H6PD: variants seen among roughly 807,000 people sequenced by gnomAD.
H6PD encodes the protein hexose-6-phosphate dehydrogenase/glucose 1-dehydrogenase.
H6PD carries 48 observed loss-of-function variants against 61.2 expected under a neutral mutation model. That is an observed-to-expected ratio of 0.78 (90% CI 0.62 to 1.00). The LOEUF (loss-of-function observed/expected upper bound fraction) is 1.00. H6PD is among the 50% of genes least tolerant of loss of function. H6PD has a pLI of 0.00. For missense variants in H6PD, 1,093 were observed against 1,065.0 expected (o/e 1.03, Z -0.37); for synonymous variants, 480 against 457.9 (o/e 1.05, Z -0.62).
At chr1:9,259,136 C>T (rs528799585) in intron 3 of H6PD, among the ~76,000 whole-genome samples, 17 of 152,320 alleles carry the variant, frequency 1.1e-4, no homozygotes, top group African/African-American at 2.6e-4. Context: ...GGACTACAGG[C>T]GCCCGCCACC....
chr1:9,255,448 A>G (rs1203325083), intron 3 of H6PD, among the ~76,000 whole-genome samples: 1 of 151,574 alleles, frequency 6.6e-6, no homozygotes, highest in Non-Finnish European at 1.5e-5. Flanking sequence ...TGCCCAGCTA[A>G]TTTTTGTATT....
In H6PD at chr1:9,264,641, C is replaced by T. The variant is rs535845156; in HGVS notation, c.2148C>T (p.Val716=). 9.9e-6 allele frequency: 16 copies of T among 1,612,974 alleles called. No homozygotes were observed. In the South Asian group the frequency reaches 1.1e-4, roughly 11 times the overall value. Residue 716 remains valine, a synonymous_variant, in exon 5 of 5, where the codon GTC becomes GTT. Coordinates refer to ENST00000377403, the MANE Select transcript of H6PD (RefSeq NM_004285.4). Reference sequence around the variant, plus strand: ...CTGGCCTGGATGGCGAGCAGCTGGTCGTGCTGACCACGAGCCCCTCCCAGC... The same window carrying T: ...CTGGCCTGGATGGCGAGCAGCTGGTTGTGCTGACCACGAGCCCCTCCCAGC... ...SPTGLDGEQL[V]VLTTSPSQPH... is the part of the protein sequence containing the mutation.
intron 1 of H6PD, among the ~76,000 whole-genome samples, chr1:9,241,667 C>T (rs1053297770): frequency 3.9e-5 from 6 of 152,150 alleles, no homozygotes; most frequent in African/African-American, 1.4e-4. Context: ...CCCAGAGTGC[C>T]GGGATTATAG....
chr1:9,239,768 C>G, intron 1 of H6PD: 3 of 385,592 alleles, frequency 7.8e-6, no homozygotes, highest in Admixed American at 4.5e-5. Context: ...CAGACATTGA[C>G]CTTTACCTCC....
At chr1:9,248,337 G>A (rs1283410253) in intron 3 of H6PD, among the ~76,000 whole-genome samples, 1 of 152,144 alleles carries the variant, frequency 6.6e-6, no homozygotes, top group Non-Finnish European at 1.5e-5. Context: ...CTCTTCAGCT[G>A]CTTCTCCCTT....
rs1638429687 is a variant in H6PD, at chr1:9,263,778, G to C, written c.1285G>C (p.Glu429Gln). 1 of 1,613,998 alleles carries C rather than the reference G, an allele frequency of 6.2e-7. No individual in the cohort carries two copies. ...GCCCTCCCTGCCCTCCAGCTGGAAG[G>C]AAATGGAGGGACCACCTGGGCTCCG... Reference protein sequence around the residue: ...FRPSLPSSWKEMEGPPGLRLF... With the variant: ...FRPSLPSSWKQMEGPPGLRLF... The change falls in exon 5 of 5, where the codon GAA (glutamate) becomes CAA (glutamine). Residue 429 changes from glutamate to glutamine, a missense_variant. Glu to Gln is a conservative substitution (Grantham distance 29). Transcript: ENST00000377403.
intron 1 of H6PD, among the ~76,000 whole-genome samples, chr1:9,238,066 G>A (rs1240887858): frequency 1.3e-5 from 2 of 152,194 alleles, no homozygotes; most frequent in Admixed American, 6.5e-5. Flanking sequence ...AGAGGAGGAT[G>A]GGGGTGGGCG....
At position 9,254,311 on chromosome 1, in the gene H6PD, C is replaced by T. The variant is rs1050900338; in HGVS notation, c.745+7228C>T. Among the ~76,000 whole-genome samples the T allele has an allele frequency of 3.3e-5, 5 of 152,108 alleles. No individual in the cohort carries two copies. The highest frequency in any genetic ancestry group is 2.1e-4 in the South Asian group (1 of 4,832). ...CGAAGGTTACAGTGAGCCAAGATCGCGCCACTGCACTGCAGCCTGGGTAAT... is the reference window on the plus strand; with the variant it reads ...CGAAGGTTACAGTGAGCCAAGATCGTGCCACTGCACTGCAGCCTGGGTAAT... On this transcript the variant is annotated intron_variant, in intron 3 of 4. Transcript: ENST00000377403. The surrounding 1 kb of genome is among the most constrained non-coding windows in gnomAD (Gnocchi z 4.6).
chr1:9,258,146 C>T (rs963228127), intron 3 of H6PD, among the ~76,000 whole-genome samples: 8 of 152,356 alleles, frequency 5.3e-5, no homozygotes, highest in African/African-American at 1.9e-4. Context: ...CTGCTGTCAG[C>T]GTTGGTGTTG....
At chr1:9,235,801 G>A (rs1298783117) in intron 1 of H6PD, among the ~76,000 whole-genome samples, 1 of 151,944 alleles carries the variant, frequency 6.6e-6, no homozygotes, top group Non-Finnish European at 1.5e-5. Context: ...TGTAGAGACA[G>A]TGGTCTCACT....
Position 9,254,832 on chromosome 1 carries a change from G to C in H6PD, c.746-7227G>C, listed in dbSNP as rs1207343571. ...TTAGGACATGTTCATCACGGCAAAG[G>C]AAGCCCTGTACCCCTTCGTTGTCAT... On this transcript the variant is annotated intron_variant, in intron 3 of 4. Coordinates refer to ENST00000377403, the MANE Select transcript of H6PD (RefSeq NM_004285.4). The surrounding 1 kb of genome is among the most constrained non-coding windows in gnomAD (Gnocchi z 4.6). 2.6e-5 allele frequency among the ~76,000 whole-genome samples: 4 copies of C among 152,104 alleles called. No individual in the cohort carries two copies. Among genetic ancestry groups the C allele is most frequent in the Non-Finnish European group, 4.4e-5 (3 of 68,032 alleles).
At chr1:9,248,250 G>A (rs561798462) in intron 3 of H6PD, among the ~76,000 whole-genome samples, 1 of 152,250 alleles carries the variant, frequency 6.6e-6, no homozygotes, top group African/African-American at 2.4e-5. Context: ...TGGGCCAGGA[G>A]GTTTCTCCTC....
intron 3 of H6PD, among the ~76,000 whole-genome samples, chr1:9,250,255 C>T (rs1254554596): frequency 6.6e-6 from 1 of 152,124 alleles, no homozygotes; most frequent in Non-Finnish European, 1.5e-5. Flanking sequence ...ACTTGGCAGG[C>T]GAGTGCTGCT....
chr1:9,258,661 TTTG>T (rs1028545403), intron 3 of H6PD, among the ~76,000 whole-genome samples: 16 of 145,804 alleles, frequency 1.1e-4, no homozygotes, highest in Admixed American at 2.0e-4. Context: ...CCGGTGTTGT[TTTG>T]TTGTTGTTAC....
At chr1:9,247,142 T>G in intron 3 of H6PD, 59 bp downstream of exon 3, 1 of 1,155,028 alleles carries the variant, frequency 8.7e-7, no homozygotes, top group Non-Finnish European at 1.3e-6. Flanking sequence ...CTGTCTGCGG[T>G]GAGGCATGGG....
chr1:9,259,617 G>A (rs1557746915), intron 3 of H6PD, among the ~76,000 whole-genome samples: 2 of 152,054 alleles, frequency 1.3e-5, no homozygotes, highest in African/African-American at 4.8e-5. Flanking sequence ...TGTTACAATG[G>A]TGTTATATTG....
intron 4 of H6PD, among the ~76,000 whole-genome samples, chr1:9,263,072 T>G (rs1382258091): frequency 6.6e-6 from 1 of 152,078 alleles, no homozygotes; most frequent in Non-Finnish European, 1.5e-5. Flanking sequence ...CCCGCACCTC[T>G]GACCCTGCGT....
chr1:9,250,318 C>A (rs547056389), intron 3 of H6PD, among the ~76,000 whole-genome samples: 93 of 152,172 alleles, frequency 6.1e-4, no homozygotes, highest in Admixed American at 2.7e-3. Context: ...TCGGAGCCCG[C>A]GGTCTGACTG....
At chr1:9,256,366 A>G (rs1406383676) in intron 3 of H6PD, among the ~76,000 whole-genome samples, 1 of 152,186 alleles carries the variant, frequency 6.6e-6, no homozygotes, top group Non-Finnish European at 1.5e-5. Context: ...TGCACCCTCT[A>G]GCTCCTGGTT....
Sources: gnomAD v4.1 joint callset for allele counts (sites outside exome capture counted in the v4.1 genomes callset) on GRCh38, gnomAD v4.1.1 for gene constraint, Gnocchi (gnomAD v3.1) non-coding constraint, MANE v1.5 for transcripts, NCBI Gene and HGNC (gene_info 2026-07-23, HGNC 2026-07-21) for gene names.